Variants in PTPN4 observed in about 807,000 individuals in gnomAD.
The protein encoded by PTPN4 is protein tyrosine phosphatase non-receptor type 4.
PTPN4 carries 49 observed loss-of-function variants against 135.5 expected under a neutral mutation model. That is an observed-to-expected ratio of 0.36 (90% CI 0.29 to 0.46). PTPN4 has a LOEUF of 0.46. Ranked by LOEUF, PTPN4 falls within the 20% of genes least tolerant of loss-of-function variation. PTPN4 has a pLI of 1.00. For synonymous variants in PTPN4, 333 were observed against 369.9 expected, an observed-to-expected ratio of 0.90 and a Z score of 1.14; for missense variants, 860 against 1,101.0, an observed-to-expected ratio of 0.78 and a Z score of 3.10.
At chr2:119,775,096 GAAAAAAAAAAAA>G (rs35234122) in intron 1 of PTPN4, among the ~76,000 whole-genome samples, 8 of 66,744 alleles carry the variant, frequency 1.2e-4, no homozygotes, top group African/African-American at 2.3e-4. Context: ...GCCCTATTCT[GAAAAAAAAAAAA>G]AAAAAAAAAA....
intron 2 of PTPN4, among the ~76,000 whole-genome samples, chr2:119,844,202 G>T (rs1454733634): frequency 8.1e-6 from 1 of 122,988 alleles, no homozygotes; most frequent in Non-Finnish European, 1.7e-5. Context: ...GGGCAGAGGG[G>T]CTCCTCACTT....
chr2:119,870,766 G>A (rs1469482729), intron 3 of PTPN4, among the ~76,000 whole-genome samples: 1 of 152,094 alleles, frequency 6.6e-6, no homozygotes, highest in Non-Finnish European at 1.5e-5. Flanking sequence ...ATTCCTAACA[G>A]ATACCATATA....
At chr2:119,840,271 C>T (rs1462537404) in intron 2 of PTPN4, among the ~76,000 whole-genome samples, 1 of 152,198 alleles carries the variant, frequency 6.6e-6, no homozygotes. Flanking sequence ...CCACCTCCCA[C>T]CCTCTCACAG....
At chr2:119,854,570 C>T (rs1379723672) in intron 2 of PTPN4, among the ~76,000 whole-genome samples, 3 of 152,170 alleles carry the variant, frequency 2.0e-5, no homozygotes, top group East Asian at 1.9e-4. Flanking sequence ...CTCTTGGAGT[C>T]GATCTAAGGG....
intron 2 of PTPN4, among the ~76,000 whole-genome samples, chr2:119,859,840 C>T (rs1574374506): frequency 6.6e-6 from 1 of 152,132 alleles, no homozygotes; most frequent in African/African-American, 2.4e-5. Flanking sequence ...ATTTGATTTC[C>T]GTGGACACTA....
At chr2:119,906,148 C>G (rs1678484564) in intron 10 of PTPN4, among the ~76,000 whole-genome samples, 2 of 151,916 alleles carry the variant, frequency 1.3e-5, no homozygotes, top group South Asian at 4.2e-4. Context: ...AAAAATAATA[C>G]AAAGGATCAA....
At chr2:119,795,859 G>T (rs1691247543) in intron 1 of PTPN4, among the ~76,000 whole-genome samples, 1 of 152,226 alleles carries the variant, frequency 6.6e-6, no homozygotes, top group Non-Finnish European at 1.5e-5. Flanking sequence ...CTCACTGGTG[G>T]GTGACTTGCC....
intron 2 of PTPN4, among the ~76,000 whole-genome samples, chr2:119,860,554 C>A (rs1442417621): frequency 6.6e-6 from 1 of 152,102 alleles, no homozygotes; most frequent in Non-Finnish European, 1.5e-5. Flanking sequence ...TGCCTCTGTA[C>A]TTTCCATTAT....
At chr2:119,844,501 T>C (rs1677452460) in intron 2 of PTPN4, among the ~76,000 whole-genome samples, 1 of 121,128 alleles carries the variant, frequency 8.3e-6, no homozygotes, top group African/African-American at 3.2e-5. Flanking sequence ...TCAGACGGGG[T>C]GGTTGCCGGG....
intron 2 of PTPN4, among the ~76,000 whole-genome samples, chr2:119,824,779 C>T (rs1677123072): frequency 6.6e-6 from 1 of 151,066 alleles, no homozygotes. Flanking sequence ...CCTCTGCCTC[C>T]CAGGTTCAAG....
chr2:119,918,977 T>C (rs1678699147), intron 11 of PTPN4, among the ~76,000 whole-genome samples: 1 of 152,210 alleles, frequency 6.6e-6, no homozygotes, highest in African/African-American at 2.4e-5. Context: ...AAGACACATA[T>C]GTTTGATTCC....
chr2:119,943,975 G>A (rs953694745), intron 15 of PTPN4, among the ~76,000 whole-genome samples: 1 of 151,958 alleles, frequency 6.6e-6, no homozygotes, highest in Non-Finnish European at 1.5e-5. Flanking sequence ...AAGTCACATG[G>A]CCAGGCCTAA....
At chr2:119,857,635 C>A (rs1395065331) in intron 2 of PTPN4, among the ~76,000 whole-genome samples, 3 of 149,676 alleles carry the variant, frequency 2.0e-5, no homozygotes, top group African/African-American at 7.3e-5. Context: ...AAAATAATTT[C>A]TTAATAACTC....
intron 2 of PTPN4, among the ~76,000 whole-genome samples, chr2:119,819,857 G>C (rs1472658609): frequency 2.6e-5 from 4 of 152,162 alleles, no homozygotes; most frequent in Middle Eastern, 3.4e-3. Flanking sequence ...ATACTTGGCT[G>C]TTGTTTTTTT....
chr2:119,779,779 T>C (rs1189674132), intron 1 of PTPN4, among the ~76,000 whole-genome samples: 2 of 152,192 alleles, frequency 1.3e-5, no homozygotes, highest in African/African-American at 4.8e-5. Flanking sequence ...ACGGTCTCTC[T>C]TTGTCTCCCA....
intron 1 of PTPN4, among the ~76,000 whole-genome samples, chr2:119,770,213 G>A (rs546980670): frequency 8.1e-4 from 124 of 152,338 alleles, no homozygotes; most frequent in African/African-American, 2.7e-3. Flanking sequence ...AGAGGAACTT[G>A]AAATCTAGTG....
chr2:119,873,305 C>T (rs925286283), intron 3 of PTPN4, among the ~76,000 whole-genome samples: 7 of 151,668 alleles, frequency 4.6e-5, no homozygotes, highest in African/African-American at 1.5e-4. Flanking sequence ...TGAAAATGGT[C>T]GAAAGAGTTT....
intron 16 of PTPN4, among the ~76,000 whole-genome samples, chr2:119,945,863 A>T (rs2105047695): frequency 6.6e-6 from 1 of 152,004 alleles, no homozygotes; most frequent in South Asian, 2.1e-4. Flanking sequence ...ATGTTTGTAC[A>T]CCTCTGTGAC....
chr2:119,825,628 T>C (rs951644344), intron 2 of PTPN4, among the ~76,000 whole-genome samples: 1 of 151,710 alleles, frequency 6.6e-6, no homozygotes, highest in African/African-American at 2.4e-5. Flanking sequence ...CCCGAGTAGC[T>C]AGGATTACAG....
Sources: gnomAD v4.1 joint callset for allele counts (sites outside exome capture counted in the v4.1 genomes callset) on GRCh38, gnomAD v4.1.1 for gene constraint, MANE v1.5 for transcripts, NCBI Gene and HGNC (gene_info 2026-07-23, HGNC 2026-07-21) for gene names.